The following ME3 variants were observed in gnomAD, a reference collection of about 807,000 sequenced individuals.
The protein encoded by ME3 is NADP-dependent malic enzyme, mitochondrial.
In ME3, 48 loss-of-function variants were observed where a neutral mutation model predicts 68.9. The observed-to-expected ratio is 0.70, with a 90% CI of 0.55 to 0.89. The LOEUF (loss-of-function observed/expected upper bound fraction) is 0.89. Among genes scored for constraint, ME3 ranks in the 40% least tolerant of loss-of-function variants. ME3 has a pLI of 0.00. For synonymous variants in ME3, 320 were observed against 318.8 expected, an observed-to-expected ratio of 1.00 and a Z score of -0.04; for missense variants, 675 against 797.4, an observed-to-expected ratio of 0.85 and a Z score of 1.85.
At chr11:86,581,235 C>A (rs920735204) in intron 2 of ME3, among the ~76,000 whole-genome samples, 4 of 152,268 alleles carry the variant, frequency 2.6e-5, no homozygotes, top group Admixed American at 2.6e-4. Context: ...TGTGTATACA[C>A]ATGCATCCAT....
chr11:86,486,800 G>A (rs942976885), intron 7 of ME3, among the ~76,000 whole-genome samples: 1 of 152,218 alleles, frequency 6.6e-6, no homozygotes, highest in African/African-American at 2.4e-5. Context: ...GCAGGCAAGT[G>A]GGGTGGAAGC....
intron 2 of ME3, among the ~76,000 whole-genome samples, chr11:86,648,399 C>T (rs1416395359): frequency 6.6e-6 from 1 of 151,972 alleles, no homozygotes; most frequent in African/African-American, 2.4e-5. Context: ...GACACCCTAA[C>T]ATCACAATTA....
intron 2 of ME3, among the ~76,000 whole-genome samples, chr11:86,652,781 T>G (rs1256485410): frequency 6.6e-6 from 1 of 152,128 alleles, no homozygotes; most frequent in African/African-American, 2.4e-5. Context: ...AATGCTCCAA[T>G]TGAAAGACAC....
chr11:86,447,126 G>A, exon 12 of ME3: 1 of 1,614,190 alleles, frequency 6.2e-7, no homozygotes, highest in Non-Finnish European at 8.5e-7. Flanking sequence ...GTTGCTCAGG[G>A]CAAAGATGAT....
In ME3 at chr11:86,469,456, A is replaced by T. The variant is rs148319353; in HGVS notation, c.810-4256T>A. Among the ~76,000 whole-genome samples the T allele has an allele frequency of 5.9e-3, 896 of 152,318 alleles. 4 individuals are homozygous for T. Among genetic ancestry groups the T allele is most frequent in the Middle Eastern group, 0.01 (3 of 294 alleles). The stretch of plus-strand genomic sequence containing the variant: ...CCCTCCAGGTCATACTGTGGAACAG[A>T]GGCAGGACCCCTCCCAAGAAGCCGT... On this transcript the variant is annotated intron_variant, in intron 7 of 14. Coordinates refer to ENST00000543262, the Ensembl canonical transcript of ME3.
At chr11:86,475,870 T>TAGAGAGAG (rs1425139692) in intron 7 of ME3, among the ~76,000 whole-genome samples, 38 of 106,520 alleles carry the variant, frequency 3.6e-4, no homozygotes, top group East Asian at 2.0e-3. Flanking sequence ...TATATATATA[T>TAGAGAGAG]ATATAGAGAG....
chr11:86,450,119 G>T, intron 9 of ME3, 117 bp from the exon 10 acceptor site: 2 of 971,464 alleles, frequency 2.1e-6, no homozygotes, highest in Non-Finnish European at 3.1e-6. Flanking sequence ...ACTCCCAGGA[G>T]GCCCAATTAA....
chr11:86,584,332 T>C (rs930170716), intron 2 of ME3, among the ~76,000 whole-genome samples: 6 of 152,330 alleles, frequency 3.9e-5, no homozygotes, highest in Admixed American at 6.5e-5. Context: ...TTGGTGAGGC[T>C]ATGGAAAAAA....
chr11:86,457,861 A>C lies in ME3; in HGVS notation c.919+7230T>G, dbSNP rs143897925. ...ACTTGAGGTTGTAGCTTCAGGAAAT[A>C]GCACAAAAGGACATGCTGAAAATGT... On this transcript the variant is annotated intron_variant, in intron 8 of 14. Coordinates refer to ENST00000543262, the Ensembl canonical transcript of ME3. 5.8e-4 allele frequency: 668 copies of C among 1,143,230 alleles called. 6 individuals are homozygous for C. The African/African-American group carries it at 0.01, about 17-fold the overall frequency. The allele number at this position is 1,143,230 out of a possible 1,614,324, so 70.8% of individuals were successfully genotyped here. A position where few individuals can be genotyped will look rare whatever the true frequency, so the allele number is the denominator to read the frequency against.
At chr11:86,444,802 A>T (rs1201387790) in intron 13 of ME3, among the ~76,000 whole-genome samples, 1 of 152,246 alleles carries the variant, frequency 6.6e-6, no homozygotes, top group Non-Finnish European at 1.5e-5. Flanking sequence ...ATCAAATTCA[A>T]CTTAAATTAT....
At chr11:86,529,844 G>A (rs540937977) in intron 4 of ME3, among the ~76,000 whole-genome samples, 2 of 152,232 alleles carry the variant, frequency 1.3e-5, no homozygotes, top group South Asian at 4.2e-4. Flanking sequence ...AGGTATTGAT[G>A]GGACATATCT....
At chr11:86,482,171 T>C (rs1951450160) in intron 7 of ME3, among the ~76,000 whole-genome samples, 1 of 152,244 alleles carries the variant, frequency 6.6e-6, no homozygotes, top group Non-Finnish European at 1.5e-5. Context: ...CTCCCAACTT[T>C]ATGTTTCTGC....
Position 86,655,329 on chromosome 11 carries a change from G to C in ME3, c.183+16433C>G, listed in dbSNP as rs530333399. Among the ~76,000 whole-genome samples the C allele has an allele frequency of 8.5e-3, 1,296 of 152,136 alleles. 16 individuals carry two copies. Among genetic ancestry groups the C allele is most frequent in the African/African-American group, 0.029 (1,223 of 41,508 alleles). Reference sequence around the variant, plus strand: ...AAAAGAACAAAGCTGGAGGCATCACGCTACCTGACTTCAAACTATACTACA... The same window carrying C: ...AAAAGAACAAAGCTGGAGGCATCACCCTACCTGACTTCAAACTATACTACA... On this transcript the variant is annotated intron_variant, in intron 2 of 14. Coordinates refer to ENST00000543262, the Ensembl canonical transcript of ME3.
rs565166645 is a variant in ME3, at chr11:86,630,059, A to G, written c.183+41703T>C. Among the ~76,000 whole-genome samples the G allele has an allele frequency of 2.6e-4, 40 of 151,848 alleles. No homozygotes were observed. The South Asian group carries it at 8.3e-3, about 32-fold the overall frequency. On this transcript the variant is annotated intron_variant, in intron 2 of 14. Transcript: ENST00000543262. ...TTCTGCAGTGATTTACTTGCCACCA[A>G]TAATAGAGATCTACATCCCCTATTG...
downstream of ME3, among the ~76,000 whole-genome samples, chr11:86,439,178 C>T (rs1181150815): frequency 6.6e-6 from 1 of 152,206 alleles, no homozygotes; most frequent in East Asian, 1.9e-4. Context: ...CTCACAGCAA[C>T]ACCCAGAATA....
intron 4 of ME3, among the ~76,000 whole-genome samples, chr11:86,543,803 A>G (rs569306061): frequency 3.8e-4 from 58 of 152,344 alleles, no homozygotes; most frequent in African/African-American, 1.4e-3. Flanking sequence ...GACCAAGTGG[A>G]GCTAATAGAC....
intron 7 of ME3, among the ~76,000 whole-genome samples, chr11:86,481,379 G>A (rs989121853): frequency 6.6e-6 from 1 of 152,066 alleles, no homozygotes; most frequent in Non-Finnish European, 1.5e-5. Flanking sequence ...TTCAGTCTTT[G>A]CACAGCTCTA....
At chr11:86,646,736 A>G (rs4944617) in intron 2 of ME3, among the ~76,000 whole-genome samples, 67,588 of 151,936 alleles carry the variant, frequency 0.44, 16,821 homozygotes, top group Non-Finnish European at 0.57. Context: ...GAGTAACCCC[A>G]AGACACATAA....
At chr11:86,452,615 A>T (rs1949694228) in intron 8 of ME3, among the ~76,000 whole-genome samples, 1 of 152,214 alleles carries the variant, frequency 6.6e-6, no homozygotes, top group Non-Finnish European at 1.5e-5. Flanking sequence ...TATAAAAATC[A>T]TCTTTGACTT....
Sources: gnomAD v4.1 joint callset for allele counts (sites outside exome capture counted in the v4.1 genomes callset) on GRCh38, gnomAD v4.1.1 for gene constraint, MANE v1.5 for transcripts, NCBI Gene and HGNC (gene_info 2026-07-23, HGNC 2026-07-21) for gene names.